The following LINC00632 variants were observed in gnomAD, a reference collection of about 807,000 sequenced individuals.
LINC00632 encodes the protein ALDOA related specific transcript.
Position 140,739,833 on chromosome X carries a change from AT to A in LINC00632, n.191+5870del, listed in dbSNP as rs771480611. Among the ~76,000 whole-genome samples the A allele has an allele frequency of 2.4e-3, 267 of 111,181 alleles. 2 individuals carry two copies. Among genetic ancestry groups the A allele is most frequent in the African/African-American group, 8.4e-3 (256 of 30,643 alleles). ...TAATATGAAGTGTGATTAAAAAAAAATATGCATCCTAGAATTGATTAAATAC... is the reference window on the plus strand; with the variant it reads ...TAATATGAAGTGTGATTAAAAAAAAAATGCATCCTAGAATTGATTAAATAC... On this transcript the variant is annotated intron_variant and non_coding_transcript_variant, in intron 3 of 4. Coordinates refer to ENST00000648200, the Ensembl canonical transcript of LINC00632.
exon 5 of LINC00632, among the ~76,000 whole-genome samples, chrX:140,788,305 T>C (rs895058448): frequency 1.8e-5 from 2 of 110,402 alleles, no homozygotes; most frequent in African/African-American, 6.6e-5. Context: ...TATTTAATAA[T>C]TTTATGATTA....
intron 2 of LINC00632, among the ~76,000 whole-genome samples, chrX:140,712,554 T>C (rs1377956385): frequency 1.8e-5 from 2 of 109,787 alleles, no homozygotes; most frequent in Non-Finnish European, 3.8e-5. Context: ...AGCCTGTTGC[T>C]GGCCGTAGTC....
chrX:140,789,679 T>C (rs1217725555), exon 5 of LINC00632, among the ~76,000 whole-genome samples: 2 of 112,283 alleles, frequency 1.8e-5, no homozygotes, highest in East Asian at 5.6e-4. Context: ...TTCCTTTAAA[T>C]TATTTTTCTC....
At chrX:140,718,286 A>G (rs1930669692) in intron 2 of LINC00632, among the ~76,000 whole-genome samples, 1 of 111,513 alleles carries the variant, frequency 9.0e-6, no homozygotes, top group South Asian at 3.8e-4. Flanking sequence ...GTAAGACTCA[A>G]TCTAAAACAA....
At chrX:140,760,021 T>C (rs1931574092) in intron 3 of LINC00632, among the ~76,000 whole-genome samples, 1 of 111,967 alleles carries the variant, frequency 8.9e-6, no homozygotes, top group South Asian at 3.8e-4. Flanking sequence ...AGGCTGGTAA[T>C]ACAAAGACAA....
exon 4 of LINC00632, among the ~76,000 whole-genome samples, chrX:140,773,166 C>CA (rs1001912457): frequency 7.8e-5 from 8 of 103,041 alleles, no homozygotes; most frequent in Admixed American, 3.2e-4. Flanking sequence ...AGCTCTGTCT[C>CA]AAAAAAAGAA....
chrX:140,767,666 A>G (rs1237180642), intron 3 of LINC00632, among the ~76,000 whole-genome samples: 1 of 111,982 alleles, frequency 8.9e-6, no homozygotes, highest in Admixed American at 9.5e-5. Context: ...ACTAGTTTGT[A>G]TTAGTCAGAG....
chrX:140,729,629 AT>A (rs747947472), intron 2 of LINC00632, among the ~76,000 whole-genome samples: 21 of 110,966 alleles, frequency 1.9e-4, no homozygotes, highest in African/African-American at 5.9e-4. Context: ...AGCACTGCAT[AT>A]AATTGAATCC....
chrX:140,740,266 C>T (rs975381016), intron 3 of LINC00632, among the ~76,000 whole-genome samples: 7 of 111,886 alleles, frequency 6.3e-5, no homozygotes, highest in Non-Finnish European at 1.3e-4. Flanking sequence ...AGATGGAGTT[C>T]TCCTCGTCAA....
chrX:140,756,904 A>C (rs1047944579), intron 3 of LINC00632, among the ~76,000 whole-genome samples: 1 of 111,653 alleles, frequency 9.0e-6, no homozygotes, highest in Non-Finnish European at 1.9e-5. Context: ...ACCCTATTAC[A>C]TAAGTACTTT....
intron 2 of LINC00632, among the ~76,000 whole-genome samples, chrX:140,724,008 T>TACAC (rs749811504): frequency 5.3e-5 from 1 of 18,800 alleles, no homozygotes; most frequent in East Asian, 2.5e-3. Context: ...ACACACACCA[T>TACAC]ACACACACAC....
intron 3 of LINC00632, among the ~76,000 whole-genome samples, chrX:140,759,992 A>G (rs185328292): frequency 8.9e-6 from 1 of 112,278 alleles, no homozygotes; most frequent in East Asian, 2.8e-4. Flanking sequence ...CAACATACAC[A>G]GGAAAATGAG....
chrX:140,771,685 A>ATATTT (rs1417040262), intron 3 of LINC00632, among the ~76,000 whole-genome samples: 33 of 61,615 alleles, frequency 5.4e-4, no homozygotes, highest in African/African-American at 2.2e-3. Flanking sequence ...ATATATATAT[A>ATATTT]TTTTTTTTTT....
At chrX:140,713,189 TA>T (rs1396481108) in intron 2 of LINC00632, among the ~76,000 whole-genome samples, 16 of 103,189 alleles carry the variant, frequency 1.6e-4, no homozygotes, top group Non-Finnish European at 3.0e-4. Context: ...TTTTTTTTTT[TA>T]AATAAAGCTT....
At chrX:140,728,420 T>G (rs922192738) in intron 2 of LINC00632, among the ~76,000 whole-genome samples, 1 of 110,078 alleles carries the variant, frequency 9.1e-6, no homozygotes, top group African/African-American at 3.3e-5. Flanking sequence ...AAAATCACTC[T>G]GCAATGCAAA....
At chrX:140,719,841 G>A (rs181012892) in intron 2 of LINC00632, among the ~76,000 whole-genome samples, 3,154 of 108,507 alleles carry the variant, frequency 0.029, 55 homozygotes, top group Non-Finnish European at 0.045. Context: ...TGTAATCCCC[G>A]CACTTTGGGA....
At chrX:140,735,329 A>C (rs980636589) in intron 3 of LINC00632, among the ~76,000 whole-genome samples, 1 of 111,464 alleles carries the variant, frequency 9.0e-6, no homozygotes, top group African/African-American at 3.3e-5. Context: ...AATTCTGTGA[A>C]AGCAAAGAAA....
exon 5 of LINC00632, among the ~76,000 whole-genome samples, chrX:140,779,115 G>A (rs1569357145): frequency 1.8e-5 from 2 of 111,464 alleles, no homozygotes; most frequent in Non-Finnish European, 3.8e-5. Context: ...CAAAGCTGAG[G>A]TTTCTTTTAG....
intron 3 of LINC00632, among the ~76,000 whole-genome samples, chrX:140,759,940 TG>T (rs1289708860): frequency 2.7e-5 from 3 of 111,220 alleles, no homozygotes; most frequent in Non-Finnish European, 5.7e-5. Context: ...GGAAGGAAGT[TG>T]GGGAAATTCA....
Sources: allele counts gnomAD v4.1 joint callset (sites outside exome capture counted in the v4.1 genomes callset), GRCh38; gene constraint gnomAD v4.1.1; transcripts MANE v1.5; gene names NCBI Gene and HGNC (gene_info 2026-07-23, HGNC 2026-07-21).